The following DGKQ variants were observed in gnomAD, a reference collection of about 807,000 sequenced individuals.
DGKQ encodes the protein diacylglycerol kinase theta.
DGKQ carries 97 observed loss-of-function variants against 104.2 expected under a neutral mutation model. The observed-to-expected ratio is 0.93, with a 90% CI of 0.79 to 1.10. DGKQ has a LOEUF of 1.10. DGKQ is among the 50% of genes least tolerant of loss of function. DGKQ has a pLI of 0.00. For synonymous variants in DGKQ, 736 were observed against 595.2 expected (o/e 1.24, Z -3.44); for missense variants, 1,465 against 1,352.1 (o/e 1.08, Z -1.31).
chr4:963,028 C>T, intron 16 of DGKQ, 108 bp from the exon 17 acceptor site: 1 of 1,498,034 alleles, frequency 6.7e-7, no homozygotes, highest in Non-Finnish European at 9.0e-7. Context: ...ACTTCAAGGT[C>T]CCAGCACGGG....
In DGKQ at chr4:960,737, G is replaced by T. The variant is rs1445474196; in HGVS notation, c.2728-16C>A. 2.5e-6 allele frequency: 4 copies of T among 1,610,284 alleles called. No individual in the cohort carries two copies. The African/African-American group carries it at 5.3e-5, about 22-fold the overall frequency. On this transcript the variant is annotated splice_polypyrimidine_tract_variant and intron_variant, in intron 22 of 22. Coordinates refer to ENST00000273814, the MANE Select transcript of DGKQ (RefSeq NM_001347.4). The stretch of plus-strand genomic sequence containing the variant: ...GCATGTGCACCTGTCCCAGGGCAGG[G>T]GACAGAGGACCAGGGTGACATGGCC...
intron 13 of DGKQ, 105 bp from the exon 14 acceptor site, chr4:965,634 G>A (rs922046096): frequency 1.3e-5 from 17 of 1,316,942 alleles, no homozygotes; most frequent in Non-Finnish European, 1.8e-5. Context: ...TCACCCCAAA[G>A]GCAGCCTCCC....
At position 959,543 on chromosome 4, in the gene DGKQ, GCTGT is replaced by G. The variant is rs1711707992; in HGVS notation, c.*1073_*1076del. ...GCCCAGATGCAGGACCCTCCACCAA[GCTGT>G]CTGGGGGCGTGGGAGCAGGAGGGCT... On this transcript the variant is annotated 3_prime_UTR_variant, in exon 23 of 23. Transcript: ENST00000273814. The G allele has an allele frequency of 6.6e-6, 1 of 152,408 alleles. No individual in the cohort carries two copies. Among genetic ancestry groups the G allele is most frequent in the African/African-American group, 2.4e-5 (1 of 41,448 alleles). 9.4% of individuals were successfully genotyped at this position (152,408 alleles called of 1,614,324 possible). A position where few individuals can be genotyped will look rare whatever the true frequency, so the allele number is the denominator to read the frequency against.
At chr4:969,145 GCGC>G (rs1712721614) in intron 2 of DGKQ, among the ~76,000 whole-genome samples, 1 of 151,560 alleles carries the variant, frequency 6.6e-6, no homozygotes, top group Non-Finnish European at 1.5e-5. Context: ...GCCCTGCCTA[GCGC>G]AGGGGAGCGA....
intron 11 of DGKQ, 78 bp from the exon 12 acceptor site, chr4:966,605 C>T: frequency 6.5e-7 from 1 of 1,530,406 alleles, no homozygotes; most frequent in African/African-American, 1.4e-5. Context: ...GCCCCCAGGG[C>T]CCGTGGGGAT....
chr4:958,918 T>C lies in DGKQ; in HGVS notation c.*1702A>G. 1 of 191,678 alleles carries C rather than the reference T, an allele frequency of 5.2e-6. No individual in the cohort carries two copies. The highest frequency in any genetic ancestry group is 1.1e-5 in the Non-Finnish European group (1 of 94,780). The allele number at this position is 191,678 out of a possible 1,614,324, so 11.9% of individuals were successfully genotyped here. On this transcript the variant is annotated 3_prime_UTR_variant, in exon 23 of 23. Transcript: ENST00000273814. The stretch of plus-strand genomic sequence containing the variant: ...AGTGACGCCCAGACTGTATTTGTCC[T>C]GGATATAAATTACTGTTGCATTCAG...
chr4:972,193 CCCGGAGT>C (rs1712982668), intron 1 of DGKQ, among the ~76,000 whole-genome samples: 1 of 152,098 alleles, frequency 6.6e-6, no homozygotes, highest in African/African-American at 2.4e-5. Flanking sequence ...GGGGAGGGGA[CCCGGAGT>C]CTGGCCTCAA....
rs556587375 is a variant in DGKQ, at chr4:960,576, C to A, written c.*44G>T. 4.0e-5 allele frequency: 62 copies of A among 1,559,134 alleles called. No individual in the cohort carries two copies. In the South Asian group the frequency reaches 6.8e-4, roughly 17 times the overall value. On this transcript the variant is annotated 3_prime_UTR_variant, in exon 23 of 23. Coordinates refer to ENST00000273814, the MANE Select transcript of DGKQ (RefSeq NM_001347.4). The stretch of plus-strand genomic sequence containing the variant: ...CCAGACCACCTGAAAACAAGGCTGG[C>A]GGGAGCAGAGATGGCTCGAGCCCTT...
At position 967,028 on chromosome 4, in the gene DGKQ, C is replaced by T. The variant is rs879341606; in HGVS notation, c.1247G>A (p.Arg416Gln). The change falls in exon 10 of 23, where the codon CGA becomes CAA. Residue 416 changes from arginine to glutamine, a missense_variant. Transcript: ENST00000273814. The stretch of plus-strand genomic sequence containing the variant: ...GCGGGCCGTGCTCTTCGGGGTCACT[C>T]GCACGGACACGTAGGCCACGCCCAC... Reference protein sequence around the residue: ...LKVGVAYVSVRVTPKSTARSV... With the variant: ...LKVGVAYVSVQVTPKSTARSV... The T allele has an allele frequency of 1.7e-5, 27 of 1,561,828 alleles. No homozygotes were observed. The highest frequency in any genetic ancestry group is 8.2e-5 in the South Asian group (7 of 84,950).
Position 968,475 on chromosome 4 carries a change from T to A in DGKQ, c.537+4A>T, listed in dbSNP as rs1429969981. 2.5e-6 allele frequency: 4 copies of A among 1,602,524 alleles called. No individual in the cohort carries two copies. Among genetic ancestry groups the A allele is most frequent in the Non-Finnish European group, 3.4e-6 (4 of 1,175,018 alleles). ...CCAGGGCTCCCTGGGGCCGGTACACTCACGTGATCCTGGTGCCCATCCTGG... is the reference window on the plus strand; with the variant it reads ...CCAGGGCTCCCTGGGGCCGGTACACACACGTGATCCTGGTGCCCATCCTGG... On this transcript the variant is annotated splice_donor_region_variant and intron_variant, in intron 4 of 22. Transcript: ENST00000273814.
rs907079009 is a variant in DGKQ, at chr4:965,823, G to C, written c.1579+105C>G. ...GGGCTGGACCCGGAGCTCAGGCCTT[G>C]GTGGCTCAAGGAGAGGCAGGAGCCG... is the stretch of plus-strand genomic sequence containing the variant. On this transcript the variant is annotated intron_variant, in intron 13 of 22. Coordinates refer to ENST00000273814, the MANE Select transcript of DGKQ (RefSeq NM_001347.4). 1.8e-5 allele frequency: 23 copies of C among 1,306,260 alleles called. No individual in the cohort carries two copies. In the Admixed American group the frequency reaches 2.6e-4, roughly 15 times the overall value. 80.9% of individuals were successfully genotyped at this position (1,306,260 alleles called of 1,614,324 possible).
chr4:963,207 G>GA lies in DGKQ; in HGVS notation c.1817dup (p.Cys607LeufsTer75). ...GGTTCAGTAGCTTCCGGAAGCTGCAGAGCAGGTCTCGGCCCTTGAGGCCTC... is the reference window on the plus strand; with the variant it reads ...GGTTCAGTAGCTTCCGGAAGCTGCAGAAGCAGGTCTCGGCCCTTGAGGCCTC... On this transcript the variant is annotated frameshift_variant, in exon 16 of 23. Transcript: ENST00000273814. LOFTEE classifies it high-confidence loss of function. The GA allele has an allele frequency of 1.2e-6, 2 of 1,611,598 alleles. No homozygotes were observed. The highest frequency in any genetic ancestry group is 1.7e-6 in the Non-Finnish European group (2 of 1,178,900).
chr4:968,362 CTCCCGAGGGCAGGT>C lies in DGKQ; in HGVS notation c.569_582del (p.Asn190SerfsTer14). ...GTCTTCCTGCAGACCTCGCAGCGCGCTCCCGAGGGCAGGTTCCCCTCCCGCCAGTGGTGGTGATG... is the reference window on the plus strand; with the variant it reads ...GTCTTCCTGCAGACCTCGCAGCGCGCTCCCCTCCCGCCAGTGGTGGTGATG... On this transcript the variant is annotated frameshift_variant, in exon 5 of 23. Transcript: ENST00000273814. LOFTEE classifies it high-confidence loss of function. 1 of 1,553,682 alleles carries C rather than the reference CTCCCGAGGGCAGGT, an allele frequency of 6.4e-7. No homozygotes were observed. The highest frequency in any genetic ancestry group is 8.7e-7 in the Non-Finnish European group (1 of 1,151,348).
At chr4:963,370 C>A (rs1006275159) in intron 15 of DGKQ, 80 bp from the exon 16 acceptor site, 2 of 1,378,716 alleles carry the variant, frequency 1.5e-6, no homozygotes, top group East Asian at 2.4e-5. Context: ...CAGTGCCCAG[C>A]CCCCAACCCT....
chr4:970,043 G>C (rs557116701), intron 2 of DGKQ, among the ~76,000 whole-genome samples: 1 of 152,258 alleles, frequency 6.6e-6, no homozygotes, highest in Non-Finnish European at 1.5e-5. Flanking sequence ...TCCACATGAC[G>C]AGGGGCCGCC....
intron 9 of DGKQ, 36 bp downstream of exon 9, chr4:967,093 C>CG (rs1255853518): frequency 1.3e-6 from 2 of 1,547,176 alleles, no homozygotes; most frequent in Non-Finnish European, 1.7e-6. Flanking sequence ...CCCCCCACCC[C>CG]GCCCAGCAGA....
intron 5 of DGKQ, 99 bp from the exon 6 acceptor site, chr4:968,126 C>A: frequency 9.7e-7 from 1 of 1,031,348 alleles, no homozygotes; most frequent in East Asian, 2.8e-5. Flanking sequence ...GCAGACCCAC[C>A]TGGACCCCGT....
Position 971,476 on chromosome 4 carries a change from C to A in DGKQ, c.272-404G>T, listed in dbSNP as rs1287914398. 6.6e-6 allele frequency among the ~76,000 whole-genome samples: 1 copy of A among 152,192 alleles called. No individual in the cohort carries two copies. The highest frequency in any genetic ancestry group is 2.4e-5 in the African/African-American group (1 of 41,434). On this transcript the variant is annotated intron_variant, in intron 1 of 22. Coordinates refer to ENST00000273814, the MANE Select transcript of DGKQ (RefSeq NM_001347.4). This position sits in a 1 kb window ranked among gnomAD's most constrained non-coding sequence, Gnocchi z 4.0. The stretch of plus-strand genomic sequence containing the variant: ...TACCAAGGACATCTGTGTCTCACTC[C>A]CCCGAAACTACGCATACCCCTAATT...
Position 960,689 on chromosome 4 carries a change from C to T in DGKQ, c.2760G>A (p.Pro920=), listed in dbSNP as rs749278325. Residue 920 remains proline, a synonymous_variant, in exon 23 of 23, where the codon CCG becomes CCA. Transcript: ENST00000273814. ...VHMLRKAKQK[P]RRAGTTRDAR... is the part of the protein sequence containing the mutation. Reference sequence around the variant, plus strand: ...CATCCCTGGTGGTCCCGGCCCTCCTCGGCTTCTGCTTGGCCTTCCTCAGCA... The same window carrying T: ...CATCCCTGGTGGTCCCGGCCCTCCTTGGCTTCTGCTTGGCCTTCCTCAGCA... 72 of 1,612,272 alleles carry T rather than the reference C, an allele frequency of 4.5e-5. No individual in the cohort carries two copies. The highest frequency in any genetic ancestry group is 3.3e-4 in the Middle Eastern group (2 of 6,056).
Sources: allele counts gnomAD v4.1 joint callset (sites outside exome capture counted in the v4.1 genomes callset), GRCh38; gene constraint gnomAD v4.1.1; non-coding constraint Gnocchi (gnomAD v3.1); transcripts MANE v1.5; gene names NCBI Gene and HGNC (gene_info 2026-07-23, HGNC 2026-07-21).